SYS1: variants seen among roughly 807,000 people sequenced by gnomAD.
SYS1 encodes protein SYS1 homolog.
In SYS1, 8 loss-of-function variants were observed where a neutral mutation model predicts 17.8. That is an observed-to-expected ratio of 0.45 (90% confidence interval 0.26 to 0.81). SYS1 has a LOEUF of 0.81. SYS1 is among the 40% of genes least tolerant of loss of function. The probability of loss-of-function intolerance (pLI) is 0.16; values close to 1 mark genes in which losing one functional copy is unlikely to be tolerated. For synonymous variants in SYS1, 95 were observed against 90.9 expected (o/e 1.05, Z -0.26); for missense variants, 161 against 203.9 (o/e 0.79, Z 1.28).
downstream of SYS1, chr20:45,373,957 G>A (rs2231628): frequency 6.2e-7 from 1 of 1,613,636 alleles, no homozygotes; most frequent in Non-Finnish European, 8.5e-7. Flanking sequence ...TTCAGCTGAT[G>A]GCGCGATCTC....
chr20:45,367,460 AGCAAACCACTTCTT>A lies in SYS1; in HGVS notation c.*346_*359del. On this transcript the variant is annotated 3_prime_UTR_variant, in exon 4 of 4. Transcript: ENST00000243918. ...AAAAAAATCAAGGATATCTGATTGGAGCAAACCACTTCTTTAGTCATCTGTCTTACCCCCCTGGG... is the reference window on the plus strand; with the variant it reads ...AAAAAAATCAAGGATATCTGATTGGATAGTCATCTGTCTTACCCCCCTGGG... 1 of 1,103,840 alleles carries A rather than the reference AGCAAACCACTTCTT, an allele frequency of 9.1e-7. No homozygotes were observed. The highest frequency in any genetic ancestry group is 6.7e-5 in the East Asian group (1 of 14,918). 68.4% of individuals were successfully genotyped at this position (1,103,840 alleles called of 1,614,324 possible). A position where few individuals can be genotyped will look rare whatever the true frequency, so the allele number is the denominator to read the frequency against.
chr20:45,364,759 C>G (rs548103380), intron 2 of SYS1, among the ~76,000 whole-genome samples: 89 of 152,222 alleles, frequency 5.8e-4, no homozygotes, highest in African/African-American at 2.0e-3. Flanking sequence ...GCGTGAGCCA[C>G]CGCGCCCGGC....
chr20:45,375,142 G>C (rs369818892), exon 4 of SYS1: 1 of 1,614,144 alleles, frequency 6.2e-7, no homozygotes, highest in South Asian at 1.1e-5. Flanking sequence ...CACCCTGGGC[G>C]CCGGGAGGTG....
intron 3 of SYS1, among the ~76,000 whole-genome samples, chr20:45,366,160 C>A (rs1015576019): frequency 6.6e-6 from 1 of 152,228 alleles, no homozygotes; most frequent in Admixed American, 6.5e-5. Flanking sequence ...GAGGCAGACT[C>A]ATTTGGCATT....
At chr20:45,364,112 G>A (rs181310648) in intron 2 of SYS1, among the ~76,000 whole-genome samples, 112 of 152,340 alleles carry the variant, frequency 7.4e-4, no homozygotes, top group Non-Finnish European at 1.4e-3. Context: ...CTAGCTGTGT[G>A]ACCTGGGGCA....
Position 45,363,701 on chromosome 20 carries a change from C to T in SYS1, c.162+8C>T. On this transcript the variant is annotated splice_region_variant and intron_variant, in intron 2 of 3. Transcript: ENST00000243918. ...CAGATGTTCGACGCCGAGGTAGGGT[C>T]CCCGGACTGGGGCGGGTGGGGTCTC... 1.3e-6 allele frequency: 2 copies of T among 1,557,024 alleles called. No individual in the cohort carries two copies. The highest frequency in any genetic ancestry group is 1.2e-5 in the South Asian group (1 of 85,024).
exon 4 of SYS1, chr20:45,374,561 C>T (rs193195948): frequency 1.7e-4 from 82 of 495,646 alleles, no homozygotes; most frequent in Non-Finnish European, 2.5e-4. Context: ...CGTGAGCCAC[C>T]ATGCCTAGCC....
At chr20:45,365,284 A>G in intron 2 of SYS1, 1 of 405,178 alleles carries the variant, frequency 2.5e-6, no homozygotes, top group Non-Finnish European at 4.7e-6. Flanking sequence ...TATGTACAGG[A>G]GCAGATGCCA....
rs541699012 is a variant in SYS1, at chr20:45,363,721, G to C, written c.162+28G>C. 1.9e-6 allele frequency: 3 copies of C among 1,545,088 alleles called. No homozygotes were observed. The African/African-American group carries it at 4.1e-5, about 21-fold the overall frequency. ...AGGGTCCCCGGACTGGGGCGGGTGG[G>C]GTCTCGGCCTCCCCGAGTAGGCTTT... On this transcript the variant is annotated intron_variant, in intron 2 of 3. Coordinates refer to ENST00000243918, the MANE Select transcript of SYS1 (RefSeq NM_033542.4).
Position 45,365,676 on chromosome 20 carries a change from G to T in SYS1, c.220G>T (p.Ala74Ser). The change falls in exon 3 of 4, where the codon GCC (alanine) becomes TCC (serine). Residue 74 changes from alanine to serine, a missense_variant. By Grantham distance (99) the Ala-to-Ser change is moderately conservative. Transcript: ENST00000243918. ...CTCCATGATGTCCTTCATCCTCAAC[G>T]CCCTCACCTGGTGAGTATCACCAGT... ...RLSMMSFILN[A>S]LTCALGLLYF... 6.2e-7 allele frequency: 1 copy of T among 1,613,960 alleles called. No homozygotes were observed. The highest frequency in any genetic ancestry group is 8.5e-7 in the Non-Finnish European group (1 of 1,179,960).
Position 45,363,173 on chromosome 20 carries a change from T to C in SYS1, c.-146T>C. On this transcript the variant is annotated 5_prime_UTR_variant, in exon 1 of 4. Transcript: ENST00000243918. ...AAACGTTTCTTTCCTACGCAGCCGC[T>C]CCTGCCGCCGTGGTCGCTGGAGCTT... The C allele has an allele frequency of 9.6e-7, 1 of 1,044,768 alleles. No homozygotes were observed. Among genetic ancestry groups the C allele is most frequent in the African/African-American group, 1.7e-5 (1 of 59,110 alleles). The allele number at this position is 1,044,768 out of a possible 1,614,324, so 64.7% of individuals were successfully genotyped here.
downstream of SYS1, among the ~76,000 whole-genome samples, chr20:45,372,353 A>C (rs1002351153): frequency 3.3e-5 from 5 of 152,222 alleles, no homozygotes; most frequent in African/African-American, 9.6e-5. Context: ...ACTGGGGCCC[A>C]ACTCCGGCTC....
At chr20:45,371,273 C>T (rs979717756), downstream of SYS1, among the ~76,000 whole-genome samples, 7 of 152,162 alleles carry the variant, frequency 4.6e-5, no homozygotes, top group East Asian at 3.8e-4. Flanking sequence ...ACGTGTAAAG[C>T]GCCTAGCCCA....
exon 4 of SYS1, chr20:45,375,877 A>G (rs1172553139): frequency 7.3e-6 from 2 of 273,220 alleles, no homozygotes; most frequent in East Asian, 8.2e-5. Flanking sequence ...TAGTTTTTCT[A>G]AATTGTGCTC....
chr20:45,371,398 T>TGGAG (rs1555869955), downstream of SYS1, among the ~76,000 whole-genome samples: 16 of 152,198 alleles, frequency 1.1e-4, no homozygotes, highest in African/African-American at 3.6e-4. Flanking sequence ...TTTCAAATGT[T>TGGAG]GGGGGATAGG....
In SYS1 at chr20:45,367,402, A is replaced by G. The variant is rs1168003397; in HGVS notation, c.*287A>G. The G allele has an allele frequency of 1.6e-6, 2 of 1,236,740 alleles. No homozygotes were observed. Among genetic ancestry groups the G allele is most frequent in the South Asian group, 2.0e-5 (1 of 48,896 alleles). The allele number at this position is 1,236,740 out of a possible 1,614,324, so 76.6% of individuals were successfully genotyped here. A position where few individuals can be genotyped will look rare whatever the true frequency, so the allele number is the denominator to read the frequency against. Reference sequence around the variant, plus strand: ...GGAACCATGCCACTCTTGAGCCACAATACCTGTCACCAGCCTGTTGTTTTA... The same window carrying G: ...GGAACCATGCCACTCTTGAGCCACAGTACCTGTCACCAGCCTGTTGTTTTA... On this transcript the variant is annotated 3_prime_UTR_variant, in exon 4 of 4. Transcript: ENST00000243918.
intron 3 of SYS1, 23 bp from the exon 4 acceptor site, chr20:45,366,852 T>G: frequency 6.2e-7 from 1 of 1,603,440 alleles, no homozygotes; most frequent in Non-Finnish European, 8.5e-7. Flanking sequence ...CAGTGACAAC[T>G]CACTGCTGTC....
chr20:45,374,646 TG>T (rs1988666684), exon 4 of SYS1: 2 of 429,956 alleles, frequency 4.7e-6, no homozygotes, highest in East Asian at 7.5e-5. Flanking sequence ...TTAGAGGGAA[TG>T]GGATGCAGCA....
chr20:45,364,229 C>A (rs1405406178), intron 2 of SYS1, among the ~76,000 whole-genome samples: 2 of 152,166 alleles, frequency 1.3e-5, no homozygotes, highest in African/African-American at 4.8e-5. Flanking sequence ...TTCAGAAAAG[C>A]AAGGGTTCAG....
Sources: gnomAD v4.1 joint callset for allele counts (sites outside exome capture counted in the v4.1 genomes callset) on GRCh38, gnomAD v4.1.1 for gene constraint, MANE v1.5 for transcripts, NCBI Gene and HGNC (gene_info 2026-07-23, HGNC 2026-07-21) for gene names.